FHIT: variants seen among roughly 807,000 people sequenced by gnomAD.
FHIT encodes fragile histidine triad diadenosine triphosphatase, also known as bis(5'-adenosyl)-triphosphatase.
In FHIT, 19 loss-of-function variants were observed where a neutral mutation model predicts 17.9. That is an observed-to-expected ratio of 1.06 (90% confidence interval 0.74 to 1.56). The LOEUF (loss-of-function observed/expected upper bound fraction) is 1.56, where lower values mean the gene tolerates loss of function less well. Ranked by LOEUF, FHIT falls within the 40% of genes most tolerant of loss-of-function variation. FHIT has a pLI of 0.00. For missense variants in FHIT, 248 were observed against 189.2 expected (o/e 1.31, Z -1.82); for synonymous variants, 81 against 69.7 (o/e 1.16, Z -0.81).
Position 59,774,666 on chromosome 3 carries a change from G to C in FHIT, c.349-22345C>G, listed in dbSNP as rs115997791. Among the ~76,000 whole-genome samples the C allele has an allele frequency of 8.2e-3, 1,253 of 152,074 alleles. 23 individuals carry two copies. The highest frequency in any genetic ancestry group is 0.029 in the African/African-American group (1,201 of 41,476). On this transcript the variant is annotated intron_variant, in intron 8 of 9. Transcript: ENST00000492590. ...CATTTTTGCTTTAACTTTTTTTCCT[G>C]TCTGTCTCCCCATCAAATTAAAGAC...
chr3:60,915,301 A>G (rs1451681858), intron 3 of FHIT, among the ~76,000 whole-genome samples: 1 of 152,156 alleles, frequency 6.6e-6, no homozygotes, highest in Non-Finnish European at 1.5e-5. Flanking sequence ...TACCACATAT[A>G]AAAGTGGGGA....
intron 4 of FHIT, among the ~76,000 whole-genome samples, chr3:60,614,702 A>G (rs2038889571): frequency 6.6e-6 from 1 of 151,862 alleles, no homozygotes; most frequent in South Asian, 2.1e-4. Context: ...CATAGAAATT[A>G]TTTATTAAAC....
At chr3:60,948,793 T>G (rs1708746558) in intron 3 of FHIT, among the ~76,000 whole-genome samples, 2 of 152,090 alleles carry the variant, frequency 1.3e-5, no homozygotes, top group African/African-American at 4.8e-5. Context: ...CCTGCAGAAA[T>G]GAGAGTCAAG....
chr3:61,010,033 G>C (rs2031697224), intron 3 of FHIT, among the ~76,000 whole-genome samples: 1 of 152,144 alleles, frequency 6.6e-6, no homozygotes, highest in African/African-American at 2.4e-5. Context: ...ATCTACCTAA[G>C]TGGCACCTTG....
At chr3:59,936,994 C>A (rs1046711918) in intron 7 of FHIT, among the ~76,000 whole-genome samples, 3 of 152,140 alleles carry the variant, frequency 2.0e-5, no homozygotes, top group Non-Finnish European at 4.4e-5. Context: ...TATGGACATT[C>A]CTGGATGTAG....
chr3:60,993,994 C>T (rs2030468300), intron 3 of FHIT, among the ~76,000 whole-genome samples: 1 of 152,104 alleles, frequency 6.6e-6, no homozygotes, highest in African/African-American at 2.4e-5. Context: ...ATAAAATACA[C>T]ACAGGATTTC....
At chr3:60,358,673 T>C (rs1184390999) in intron 5 of FHIT, among the ~76,000 whole-genome samples, 1 of 152,116 alleles carries the variant, frequency 6.6e-6, no homozygotes, top group Non-Finnish European at 1.5e-5. Context: ...AGATACAACA[T>C]GGTAGGTCTA....
chr3:60,504,341 G>C (rs1292549090), intron 5 of FHIT, among the ~76,000 whole-genome samples: 1 of 152,036 alleles, frequency 6.6e-6, no homozygotes, highest in Non-Finnish European at 1.5e-5. Flanking sequence ...GGCTGAGGCA[G>C]GAGAATCACT....
chr3:60,989,277 G>C (rs890596789), intron 3 of FHIT, among the ~76,000 whole-genome samples: 1 of 151,950 alleles, frequency 6.6e-6, no homozygotes. Flanking sequence ...AGCCTCTCAA[G>C]TATCTGAGAC....
intron 8 of FHIT, among the ~76,000 whole-genome samples, chr3:59,810,365 T>G (rs1700367276): frequency 6.6e-6 from 1 of 152,132 alleles, no homozygotes; most frequent in Admixed American, 6.5e-5. Context: ...TGAAACAGAT[T>G]TCTGAGCACC....
chr3:60,039,508 T>A (rs146755993), intron 5 of FHIT, among the ~76,000 whole-genome samples: 218 of 152,282 alleles, frequency 1.4e-3, no homozygotes, highest in African/African-American at 5.1e-3. Flanking sequence ...AAGAGAGTCC[T>A]TGGAGAATGC....
At chr3:60,892,784 TATAA>T (rs1705588254) in intron 3 of FHIT, among the ~76,000 whole-genome samples, 1 of 152,224 alleles carries the variant, frequency 6.6e-6, no homozygotes, top group Non-Finnish European at 1.5e-5. Context: ...AAGTTATGAT[TATAA>T]ATACTTTGTA....
chr3:61,144,931 A>G (rs1354148522), intron 2 of FHIT, among the ~76,000 whole-genome samples: 3 of 152,158 alleles, frequency 2.0e-5, no homozygotes, highest in Non-Finnish European at 2.9e-5. Flanking sequence ...AGAAGTTCTT[A>G]ATATAGTCTA....
At chr3:61,247,610 G>A (rs994132354) in intron 1 of FHIT, among the ~76,000 whole-genome samples, 6 of 152,190 alleles carry the variant, frequency 3.9e-5, no homozygotes, top group African/African-American at 1.4e-4. Flanking sequence ...TGACAAGACA[G>A]GTTATCAAGA....
At chr3:61,015,558 G>A (rs1329389906) in intron 3 of FHIT, among the ~76,000 whole-genome samples, 5 of 152,228 alleles carry the variant, frequency 3.3e-5, no homozygotes, top group Non-Finnish European at 5.9e-5. Context: ...ATGTCACTAT[G>A]GCTTTCTGTT....
chr3:61,112,983 T>C (rs917716853), intron 2 of FHIT, among the ~76,000 whole-genome samples: 1 of 152,066 alleles, frequency 6.6e-6, no homozygotes, highest in East Asian at 1.9e-4. Context: ...TGGCCTATCT[T>C]TGAACACTGT....
In FHIT at chr3:60,239,739, A is replaced by G. The variant is rs571590028; in HGVS notation, c.104-225587T>C. Among the ~76,000 whole-genome samples the G allele has an allele frequency of 2.6e-5, 4 of 152,306 alleles. No individual in the cohort carries two copies. The East Asian group carries it at 5.8e-4, about 22-fold the overall frequency. ...GATCCACAAAGCTCATCCTTGCCCA[A>G]TTCTCATTTAATGAATAAGAAGACT... On this transcript the variant is annotated intron_variant, in intron 5 of 9. Coordinates refer to ENST00000492590, the MANE Select transcript of FHIT (RefSeq NM_002012.4).
intron 3 of FHIT, among the ~76,000 whole-genome samples, chr3:61,041,604 A>G (rs888665541): frequency 7.2e-5 from 11 of 151,828 alleles, no homozygotes; most frequent in East Asian, 1.9e-4. Flanking sequence ...GCTGATATCT[A>G]CCCTTTCCTC....
intron 2 of FHIT, among the ~76,000 whole-genome samples, chr3:61,142,568 G>T (rs1337090279): frequency 6.6e-6 from 1 of 152,124 alleles, no homozygotes; most frequent in Non-Finnish European, 1.5e-5. Context: ...AATTTAGTGT[G>T]CTTCGCTACC....
Sources: allele counts gnomAD v4.1 joint callset (sites outside exome capture counted in the v4.1 genomes callset), GRCh38; gene constraint gnomAD v4.1.1; transcripts MANE v1.5; gene names NCBI Gene and HGNC (gene_info 2026-07-23, HGNC 2026-07-21).